The following HPSE variants were observed in gnomAD, a reference collection of about 807,000 sequenced individuals.
HPSE encodes the protein heparanase.
A neutral mutation model predicts 65.1 loss-of-function variants in HPSE; 48 were observed. The ratio of observed to expected loss-of-function variants is 0.74; its 90% CI spans 0.58 to 0.94. The LOEUF is 0.94. Ranked by LOEUF, HPSE falls within the 40% of genes least tolerant of loss-of-function variation. HPSE has a pLI of 0.00. For missense variants in HPSE, 644 were observed against 637.5 expected, an observed-to-expected ratio of 1.01 and a Z score of -0.11; for synonymous variants, 243 against 260.0, an observed-to-expected ratio of 0.93 and a Z score of 0.63.
intron 1 of HPSE, among the ~76,000 whole-genome samples, chr4:83,327,245 G>T (rs1737191908): frequency 6.6e-6 from 1 of 152,156 alleles, no homozygotes; most frequent in Non-Finnish European, 1.5e-5. Context: ...GCCAGACAAA[G>T]ACTTTCCTGA....
Position 83,326,606 on chromosome 4 carries a change from G to A in HPSE, c.228-4242C>T, listed in dbSNP as rs1034563395. 2.0e-4 allele frequency among the ~76,000 whole-genome samples: 30 copies of A among 152,286 alleles called. No individual in the cohort carries two copies. Among genetic ancestry groups the A allele is most frequent in the African/African-American group, 2.9e-4 (12 of 41,556 alleles). On this transcript the variant is annotated intron_variant, in intron 1 of 11. Coordinates refer to ENST00000311412, the MANE Select transcript of HPSE (RefSeq NM_001098540.3). The surrounding 1 kb of genome is among the most constrained non-coding windows in gnomAD (Gnocchi z 4.2). Reference sequence around the variant, plus strand: ...GGAACTCAGGAGACACATACAGGCCGGGAATATAGACAGGCGAGTCCTCAG... The same window carrying A: ...GGAACTCAGGAGACACATACAGGCCAGGAATATAGACAGGCGAGTCCTCAG...
At chr4:83,295,663 C>A (rs991804633) in intron 11 of HPSE, among the ~76,000 whole-genome samples, 160 bp from the exon 12 acceptor site, 5 of 152,076 alleles carry the variant, frequency 3.3e-5, no homozygotes, top group Non-Finnish European at 5.9e-5. Context: ...AGGCATTTGA[C>A]CTAGATAATC....
intron 1 of HPSE, among the ~76,000 whole-genome samples, chr4:83,330,710 A>C (rs1459688950): frequency 6.6e-6 from 1 of 152,252 alleles, no homozygotes; most frequent in African/African-American, 2.4e-5. Context: ...AAAAGCAAGC[A>C]TGGTTGCATT....
chr4:83,327,830 C>T (rs573808665), intron 1 of HPSE, among the ~76,000 whole-genome samples: 2 of 152,272 alleles, frequency 1.3e-5, no homozygotes, highest in South Asian at 4.1e-4. Flanking sequence ...AAACCATCAA[C>T]CAGTCTCCCC....
At chr4:83,310,505 C>CA (rs770872092) in intron 5 of HPSE, among the ~76,000 whole-genome samples, 223 of 152,032 alleles carry the variant, frequency 1.5e-3, no homozygotes, top group Non-Finnish European at 2.9e-3. Context: ...CCCATCTCTA[C>CA]AAAAAAATTT....
Position 83,301,080 on chromosome 4 carries a change from G to A in HPSE, c.1352C>T (p.Thr451Ile), listed in dbSNP as rs756519343. The change falls in exon 11 of 12, where the codon ACT (threonine) becomes ATT (isoleucine). Residue 451 changes from threonine (T) to isoleucine (I), a missense_variant. By Grantham distance (89) the Thr-to-Ile change is moderately conservative. Coordinates refer to ENST00000311412, the MANE Select transcript of HPSE (RefSeq NM_001098540.3). ...ATTATGGAGGTTTATGGCATACAGA[G>A]TTAAATCTCCTTCTTTATACCTTGG... ...DNPRYKEGDL[T>I]LYAINLHNVT... The A allele has an allele frequency of 4.4e-6, 7 of 1,600,324 alleles. No homozygotes were observed. Among genetic ancestry groups the A allele is most frequent in the Non-Finnish European group, 6.0e-6 (7 of 1,173,148 alleles).
At chr4:83,310,578 G>A in intron 5 of HPSE, 144 bp downstream of exon 5, 1 of 727,066 alleles carries the variant, frequency 1.4e-6, no homozygotes, top group Non-Finnish European at 2.3e-6. Context: ...GGACTGAGAT[G>A]GGAGGATTGC....
At chr4:83,308,096 AT>A (rs70946997) in intron 8 of HPSE, among the ~76,000 whole-genome samples, 101,210 of 145,086 alleles carry the variant, frequency 0.7, 35,701 homozygotes, top group South Asian at 0.81. Context: ...TCTAACTTGC[AT>A]TTTTTTTTTT....
intron 3 of HPSE, among the ~76,000 whole-genome samples, chr4:83,315,400 C>G (rs188330631): frequency 2.6e-5 from 4 of 152,112 alleles, no homozygotes; most frequent in African/African-American, 4.8e-5. Context: ...GGATCATCAG[C>G]CTATGCTTAA....
intron 11 of HPSE, among the ~76,000 whole-genome samples, chr4:83,299,726 C>T (rs1735868666): frequency 6.6e-6 from 1 of 151,810 alleles, no homozygotes; most frequent in African/African-American, 2.4e-5. Context: ...TTTTTTGAGA[C>T]AGGGTCTCAC....
intron 2 of HPSE, among the ~76,000 whole-genome samples, chr4:83,319,894 T>C (rs1038153102): frequency 6.6e-6 from 1 of 151,734 alleles, no homozygotes; most frequent in Admixed American, 6.6e-5. Flanking sequence ...ACCTCGTCTC[T>C]ACTAAAATAC....
intron 11 of HPSE, among the ~76,000 whole-genome samples, chr4:83,299,201 TA>T (rs1484680560): frequency 2.0e-5 from 3 of 151,150 alleles, no homozygotes; most frequent in Non-Finnish European, 4.4e-5. Flanking sequence ...TCATCTCTAC[TA>T]AAAATACAAA....
intron 2 of HPSE, among the ~76,000 whole-genome samples, chr4:83,320,017 G>A (rs1401235530): frequency 1.8e-5 from 2 of 114,284 alleles, no homozygotes; most frequent in South Asian, 3.0e-4. Context: ...GCGACAAAGC[G>A]AGACACTGTC....
chr4:83,322,617 G>C (rs1578023570), intron 1 of HPSE, among the ~76,000 whole-genome samples: 1 of 151,934 alleles, frequency 6.6e-6, no homozygotes, highest in African/African-American at 2.4e-5. Context: ...TGCCTCCTGG[G>C]TAGCTGAGAT....
At chr4:83,312,337 G>T (rs553819458) in intron 4 of HPSE, among the ~76,000 whole-genome samples, 1 of 152,290 alleles carries the variant, frequency 6.6e-6, no homozygotes, top group Admixed American at 6.5e-5. Flanking sequence ...TTGCATTGTT[G>T]AGCACTTGCA....
chr4:83,315,168 AAAAAT>A (rs1248335533), intron 3 of HPSE, among the ~76,000 whole-genome samples: 2 of 117,796 alleles, frequency 1.7e-5, no homozygotes, highest in Non-Finnish European at 3.6e-5. Context: ...AAAAAAAAAA[AAAAAT>A]TAACTATTTA....
Position 83,293,173 on chromosome 4 carries a change from A to G in HPSE, c.*2171T>C, listed in dbSNP as rs1251161729. On this transcript the variant is annotated 3_prime_UTR_variant, in exon 12 of 12. Coordinates refer to ENST00000311412, the MANE Select transcript of HPSE (RefSeq NM_001098540.3). ...CCCTCTCCATTCCAAAGGGTTACTC[A>G]GAGACAATTATAGGAACCTCGTTGT... 6.6e-6 allele frequency: 1 copy of G among 152,204 alleles called. No individual in the cohort carries two copies. Among genetic ancestry groups the G allele is most frequent in the Admixed American group, 6.5e-5 (1 of 15,278 alleles). 9.4% of individuals were successfully genotyped at this position (152,204 alleles called of 1,614,324 possible).
At chr4:83,312,668 A>C in intron 4 of HPSE, among the ~76,000 whole-genome samples, 2 of 86,426 alleles carry the variant, frequency 2.3e-5, no homozygotes, top group African/African-American at 5.2e-5. Flanking sequence ...ACAGAGCGAG[A>C]CTCCGTCTCA....
chr4:83,335,146 A>C (rs1737570214), upstream of HPSE: 6 of 217,284 alleles, frequency 2.8e-5, no homozygotes, highest in East Asian at 2.9e-4. Flanking sequence ...CCCGGGGAGC[A>C]GCGCTGGGCA....
Sources: gnomAD v4.1 joint callset for allele counts (sites outside exome capture counted in the v4.1 genomes callset) on GRCh38, gnomAD v4.1.1 for gene constraint, Gnocchi (gnomAD v3.1) non-coding constraint, MANE v1.5 for transcripts, NCBI Gene and HGNC (gene_info 2026-07-23, HGNC 2026-07-21) for gene names.